NRXN3: variants seen among roughly 807,000 people sequenced by gnomAD.
NRXN3 encodes neurexin 3.
NRXN3 carries 32 observed loss-of-function variants against 137.6 expected under a neutral mutation model. The observed-to-expected ratio is 0.23, with a 90% confidence interval of 0.18 to 0.31. The LOEUF (loss-of-function observed/expected upper bound fraction) is 0.31. Ranked by LOEUF, NRXN3 falls within the 10% of genes least tolerant of loss-of-function variation. The probability of loss-of-function intolerance (pLI) is 1.00; values close to 1 mark genes in which losing one functional copy is unlikely to be tolerated. For synonymous variants in NRXN3, 798 were observed against 784.5 expected (o/e 1.02, Z -0.29); for missense variants, 1,574 against 2,062.5 (o/e 0.76, Z 4.59).
At chr14:79,368,279 G>C (rs1187743440) in intron 15 of NRXN3, among the ~76,000 whole-genome samples, 1 of 152,142 alleles carries the variant, frequency 6.6e-6, no homozygotes, top group East Asian at 1.9e-4. Context: ...ACAATTAAGA[G>C]GATTGGGGCA....
intron 3 of NRXN3, among the ~76,000 whole-genome samples, chr14:78,288,542 G>C (rs2075437443): frequency 6.6e-6 from 1 of 152,168 alleles, no homozygotes; most frequent in Non-Finnish European, 1.5e-5. Flanking sequence ...ATCACACCAT[G>C]ATCTATGTGG....
rs557840943 is a variant in NRXN3, at chr14:79,391,729, A to G, written c.3263-75492A>G. 1.8e-3 allele frequency among the ~76,000 whole-genome samples: 272 copies of G among 152,352 alleles called. 1 individual carries two copies. The highest frequency in any genetic ancestry group is 2.8e-3 in the Non-Finnish European group (189 of 68,042). On this transcript the variant is annotated intron_variant, in intron 15 of 20. Coordinates refer to ENST00000335750, the MANE Select transcript of NRXN3 (RefSeq NM_001330195.2). ...ATTAATGAGAATTACACAGATTCAT[A>G]TCTTCTCCATTATTCCATTGGTCAC...
chr14:79,349,545 TACACACACACACACACACAC>T (rs71131694), intron 15 of NRXN3, among the ~76,000 whole-genome samples: 107 of 137,698 alleles, frequency 7.8e-4, no homozygotes, highest in Non-Finnish European at 1.2e-3. Flanking sequence ...GAAAAAAAAA[TACACACACACACACACACAC>T]ACACACACAC....
chr14:78,637,005 C>T (rs564244728), intron 4 of NRXN3, among the ~76,000 whole-genome samples: 108 of 151,848 alleles, frequency 7.1e-4, no homozygotes, highest in Non-Finnish European at 1.3e-3. Flanking sequence ...CAATATCCAT[C>T]CTATCTTAGG....
At chr14:78,804,174 A>T (rs1013395981) in intron 9 of NRXN3, among the ~76,000 whole-genome samples, 1 of 152,100 alleles carries the variant, frequency 6.6e-6, no homozygotes, top group African/African-American at 2.4e-5. Context: ...CTCAGTCACC[A>T]CTCAAAACAG....
At chr14:79,701,825 G>A (rs1251607175) in intron 19 of NRXN3, among the ~76,000 whole-genome samples, 1 of 152,012 alleles carries the variant, frequency 6.6e-6, no homozygotes, top group Non-Finnish European at 1.5e-5. Flanking sequence ...AAGTAGGGAG[G>A]GTGGTGTACT....
At chr14:78,253,757 C>G (rs1423248331) in intron 2 of NRXN3, among the ~76,000 whole-genome samples, 1 of 152,162 alleles carries the variant, frequency 6.6e-6, no homozygotes, top group African/African-American at 2.4e-5. Flanking sequence ...ACTCATTTCT[C>G]ATCCTCCTCT....
At chr14:79,103,825 A>C (rs1418406301) in intron 15 of NRXN3, among the ~76,000 whole-genome samples, 1 of 152,198 alleles carries the variant, frequency 6.6e-6, no homozygotes, top group Non-Finnish European at 1.5e-5. Flanking sequence ...TTTCTGACCC[A>C]GTTGCCCGAT....
intron 4 of NRXN3, among the ~76,000 whole-genome samples, chr14:78,441,351 T>A (rs568055101): frequency 6.6e-6 from 1 of 152,164 alleles, no homozygotes; most frequent in South Asian, 2.1e-4. Context: ...ATTTCCTTCA[T>A]CAGAATTTTC....
At chr14:79,031,772 T>G (rs577133156) in intron 15 of NRXN3, among the ~76,000 whole-genome samples, 1 of 152,260 alleles carries the variant, frequency 6.6e-6, no homozygotes, top group African/African-American at 2.4e-5. Flanking sequence ...AACAGTAAAG[T>G]TTATTTTATA....
At chr14:79,860,149 A>G (rs2099411300) in intron 20 of NRXN3, among the ~76,000 whole-genome samples, 2 of 152,190 alleles carry the variant, frequency 1.3e-5, no homozygotes, top group South Asian at 4.1e-4. Flanking sequence ...TAAGTGCAAT[A>G]ACGAGGGTCT....
intron 17 of NRXN3, among the ~76,000 whole-genome samples, chr14:79,668,254 T>A (rs1415934899): frequency 6.6e-6 from 1 of 152,086 alleles, no homozygotes; most frequent in East Asian, 1.9e-4. Context: ...CAGAAACTTG[T>A]CTTTATAGGG....
At chr14:79,534,278 A>T (rs144889814) in intron 16 of NRXN3, among the ~76,000 whole-genome samples, 20 of 152,278 alleles carry the variant, frequency 1.3e-4, no homozygotes, top group African/African-American at 4.3e-4. Flanking sequence ...CTGGGACATG[A>T]TATGGTACAA....
intron 16 of NRXN3, among the ~76,000 whole-genome samples, chr14:79,567,302 G>GT (rs1490540162): frequency 3.3e-5 from 5 of 151,750 alleles, no homozygotes; most frequent in African/African-American, 1.2e-4. Context: ...GAAAAATAAC[G>GT]TATTTTGTAT....
intron 19 of NRXN3, among the ~76,000 whole-genome samples, chr14:79,739,931 T>TG (rs1351225949): frequency 1.3e-5 from 2 of 152,190 alleles, no homozygotes; most frequent in East Asian, 3.9e-4. Flanking sequence ...AGTGAAGGTC[T>TG]GTTCACCCCT....
intron 3 of NRXN3, among the ~76,000 whole-genome samples, chr14:78,295,039 G>A (rs911531285): frequency 1.1e-4 from 17 of 152,114 alleles, no homozygotes; most frequent in African/African-American, 1.4e-4. Flanking sequence ...GGTAGAAGGC[G>A]GAGAAGCAGA....
chr14:78,225,976 T>TGTGTGTTG (rs1555412838), intron 1 of NRXN3, among the ~76,000 whole-genome samples: 121 of 106,732 alleles, frequency 1.1e-3, no homozygotes, highest in Middle Eastern at 9.5e-3. Context: ...TGTGTGTTGG[T>TGTGTGTTG]GTGTGTGTGT....
chr14:79,857,089 G>GTTGAT (rs1234253895), intron 20 of NRXN3, among the ~76,000 whole-genome samples: 1 of 152,170 alleles, frequency 6.6e-6, no homozygotes, highest in Non-Finnish European at 1.5e-5. Flanking sequence ...GGGACACATA[G>GTTGAT]TTGATCACTG....
At position 79,867,573 on chromosome 14, in the gene NRXN3, T is replaced by C. The variant is rs982820126; in HGVS notation, c.*5609T>C. On this transcript the variant is annotated 3_prime_UTR_variant, in exon 21 of 21. Coordinates refer to ENST00000335750, the MANE Select transcript of NRXN3 (RefSeq NM_001330195.2). ...TATGACTTTGTTTGACCTTAATTACTTCCTAAAGACACTACCTCCCAATAC... is the reference window on the plus strand; with the variant it reads ...TATGACTTTGTTTGACCTTAATTACCTCCTAAAGACACTACCTCCCAATAC... The C allele has an allele frequency of 9.9e-5, 15 of 152,202 alleles. No individual in the cohort carries two copies. Among genetic ancestry groups the C allele is most frequent in the Admixed American group, 7.2e-4 (11 of 15,276 alleles). 9.4% of individuals were successfully genotyped at this position (152,202 alleles called of 1,614,324 possible). A position where few individuals can be genotyped will look rare whatever the true frequency, so the allele number is the denominator to read the frequency against.
Sources: allele counts gnomAD v4.1 joint callset (sites outside exome capture counted in the v4.1 genomes callset), GRCh38; gene constraint gnomAD v4.1.1; transcripts MANE v1.5; gene names NCBI Gene and HGNC (gene_info 2026-07-23, HGNC 2026-07-21).